The following KIF26B variants were observed in gnomAD, a reference collection of about 807,000 sequenced individuals.
KIF26B encodes the protein kinesin-like protein KIF26B.
Under a neutral mutation model 151.2 loss-of-function variants are expected in KIF26B, and 63 were observed. The observed-to-expected ratio is 0.42, with a 90% CI of 0.34 to 0.51. The LOEUF is 0.51. Ranked by LOEUF, KIF26B falls within the 20% of genes least tolerant of loss-of-function variation. KIF26B has a pLI of 0.07. For missense variants in KIF26B, 2,813 were observed against 2,913.6 expected (o/e 0.97, Z 0.79); for synonymous variants, 1,357 against 1,262.1 (o/e 1.08, Z -1.59).
intron 2 of KIF26B, among the ~76,000 whole-genome samples, chr1:245,208,927 G>A (rs923477023): frequency 6.6e-6 from 1 of 152,148 alleles, no homozygotes; most frequent in Non-Finnish European, 1.5e-5. Context: ...TGTGGCCATC[G>A]GCTCTGTGTT....
At chr1:245,416,561 A>G (rs1005165894) in intron 3 of KIF26B, among the ~76,000 whole-genome samples, 1 of 152,126 alleles carries the variant, frequency 6.6e-6, no homozygotes, top group Non-Finnish European at 1.5e-5. Flanking sequence ...AATGCATGAT[A>G]TGAACCGAAG....
At position 245,227,718 on chromosome 1, in the gene KIF26B, A is replaced by C. The variant is rs1669903374; in HGVS notation, c.465+71035A>C. On this transcript the variant is annotated intron_variant, in intron 2 of 14. Coordinates refer to ENST00000407071, the MANE Select transcript of KIF26B (RefSeq NM_018012.4). This position sits in a 1 kb window ranked among gnomAD's most constrained non-coding sequence, Gnocchi z 4.1. Reference sequence around the variant, plus strand: ...TGGTAGTCATTAAAAAAACACTCTGAGGCTGGGTGTGGTGGCTCACGCCTG... The same window carrying C: ...TGGTAGTCATTAAAAAAACACTCTGCGGCTGGGTGTGGTGGCTCACGCCTG... Among the ~76,000 whole-genome samples the C allele has an allele frequency of 6.6e-6, 1 of 152,072 alleles. No homozygotes were observed.
intron 2 of KIF26B, among the ~76,000 whole-genome samples, chr1:245,178,122 C>T (rs1668841954): frequency 6.6e-6 from 1 of 152,176 alleles, no homozygotes; most frequent in African/African-American, 2.4e-5. Flanking sequence ...ACTGTCACTG[C>T]TTTGTTACAG....
intron 4 of KIF26B, among the ~76,000 whole-genome samples, chr1:245,515,330 G>A (rs759257245): frequency 5.9e-4 from 89 of 152,074 alleles, no homozygotes; most frequent in Non-Finnish European, 7.5e-4. Flanking sequence ...ATCTCTCCAC[G>A]CTTACCGTGC....
intron 2 of KIF26B, among the ~76,000 whole-genome samples, chr1:245,322,171 A>G (rs1671898696): frequency 1.3e-5 from 2 of 152,236 alleles, no homozygotes; most frequent in East Asian, 1.9e-4. Flanking sequence ...GAGTTGAACA[A>G]TGAGAACACA....
Position 245,621,977 on chromosome 1 carries a change from A to G in KIF26B, c.2098+10001A>G, listed in dbSNP as rs538062112. 4.3e-4 allele frequency among the ~76,000 whole-genome samples: 66 copies of G among 152,348 alleles called. 1 individual carries two copies. The highest frequency in any genetic ancestry group is 1.5e-3 in the African/African-American group (64 of 41,584). On this transcript the variant is annotated intron_variant, in intron 9 of 14. Coordinates refer to ENST00000407071, the MANE Select transcript of KIF26B (RefSeq NM_018012.4). ...TCTTGTGTTCTGTTTTACTACATGT[A>G]CATTATCCATTTTATTCCATTACAT...
In KIF26B at chr1:245,516,660, G is replaced by T. The variant is rs919982652; in HGVS notation, c.1167-24107G>T. On this transcript the variant is annotated intron_variant, in intron 4 of 14. Transcript: ENST00000407071. The surrounding 1 kb of genome is among the most constrained non-coding windows in gnomAD (Gnocchi z 4.2). ...AGATGTGGGGTGAAGTAATGAGCCC[G>T]CAAGGCCTGTCTGTGCCTATTGGCT... Among the ~76,000 whole-genome samples the T allele has an allele frequency of 6.6e-6, 1 of 152,162 alleles. No individual in the cohort carries two copies. The highest frequency in any genetic ancestry group is 1.5e-5 in the Non-Finnish European group (1 of 68,044).
intron 5 of KIF26B, among the ~76,000 whole-genome samples, chr1:245,565,134 A>G (rs1375148181): frequency 6.6e-6 from 1 of 152,122 alleles, no homozygotes; most frequent in Non-Finnish European, 1.5e-5. Flanking sequence ...CCCTCTCTAT[A>G]AAAAATTTTT....
At chr1:245,427,806 T>C (rs1284529442) in intron 4 of KIF26B, among the ~76,000 whole-genome samples, 1 of 152,156 alleles carries the variant, frequency 6.6e-6, no homozygotes, top group South Asian at 2.1e-4. Context: ...ATCCCCTCGT[T>C]CTCACATTCC....
chr1:245,472,837 CT>C (rs1310687413), intron 4 of KIF26B, among the ~76,000 whole-genome samples: 4 of 152,212 alleles, frequency 2.6e-5, no homozygotes, highest in Non-Finnish European at 4.4e-5. Context: ...CTACAATGTG[CT>C]ACTGAAATGA....
At chr1:245,456,022 AG>A (rs1339977141) in intron 4 of KIF26B, among the ~76,000 whole-genome samples, 1 of 152,206 alleles carries the variant, frequency 6.6e-6, no homozygotes, top group Non-Finnish European at 1.5e-5. Context: ...TAAAGAAAAA[AG>A]ACACCCATGA....
intron 5 of KIF26B, among the ~76,000 whole-genome samples, chr1:245,598,953 G>A (rs1216698425): frequency 6.6e-6 from 1 of 152,116 alleles, no homozygotes; most frequent in Non-Finnish European, 1.5e-5. Flanking sequence ...TTCCCTGCAG[G>A]TCTACCCTTG....
At chr1:245,329,113 C>G (rs1672051793) in intron 2 of KIF26B, among the ~76,000 whole-genome samples, 1 of 152,192 alleles carries the variant, frequency 6.6e-6, no homozygotes, top group African/African-American at 2.4e-5. Context: ...GTTTGGAAAG[C>G]TTTAGCCATT....
At chr1:245,291,832 G>A (rs924427653) in intron 2 of KIF26B, among the ~76,000 whole-genome samples, 1 of 152,142 alleles carries the variant, frequency 6.6e-6, no homozygotes, top group Non-Finnish European at 1.5e-5. Context: ...GAGACGGTAC[G>A]GTGGAGCACT....
intron 2 of KIF26B, among the ~76,000 whole-genome samples, chr1:245,169,509 G>C (rs1668673957): frequency 6.6e-6 from 1 of 152,138 alleles, no homozygotes; most frequent in African/African-American, 2.4e-5. Flanking sequence ...AATTACAAGA[G>C]CATTCAGCAG....
chr1:245,317,384 G>A (rs1671800349), intron 2 of KIF26B, among the ~76,000 whole-genome samples: 2 of 152,196 alleles, frequency 1.3e-5, no homozygotes, highest in African/African-American at 4.8e-5. Flanking sequence ...CCCCAGGGTT[G>A]ATTGATCTGT....
intron 5 of KIF26B, among the ~76,000 whole-genome samples, chr1:245,590,970 CTG>C (rs368788733): frequency 1.3e-5 from 2 of 151,224 alleles, no homozygotes; most frequent in East Asian, 3.9e-4. Flanking sequence ...TGTCTCAGCT[CTG>C]TGAGTGTAGG....
At chr1:245,611,128 G>A (rs2043515931) in intron 8 of KIF26B, among the ~76,000 whole-genome samples, 1 of 152,178 alleles carries the variant, frequency 6.6e-6, no homozygotes, top group Non-Finnish European at 1.5e-5. Context: ...AGTATGCCGG[G>A]AGCATGGATT....
In KIF26B at chr1:245,352,829, A is replaced by G. The variant is rs1387363404; in HGVS notation, c.466-14005A>G. 6.7e-6 allele frequency among the ~76,000 whole-genome samples: 1 copy of G among 150,336 alleles called. No homozygotes were observed. The highest frequency in any genetic ancestry group is 1.5e-5 in the Non-Finnish European group (1 of 67,792). On this transcript the variant is annotated intron_variant, in intron 2 of 14. Coordinates refer to ENST00000407071, the MANE Select transcript of KIF26B (RefSeq NM_018012.4). This position sits in a 1 kb window ranked among gnomAD's most constrained non-coding sequence, Gnocchi z 5.0. ...ATCTTAGTGGTTTCTTCCTAAAGAGATGTACACGTGTGTGTGTGTGTGTGT... is the reference window on the plus strand; with the variant it reads ...ATCTTAGTGGTTTCTTCCTAAAGAGGTGTACACGTGTGTGTGTGTGTGTGT...
Sources: gnomAD v4.1 joint callset for allele counts (sites outside exome capture counted in the v4.1 genomes callset) on GRCh38, gnomAD v4.1.1 for gene constraint, Gnocchi (gnomAD v3.1) non-coding constraint, MANE v1.5 for transcripts, NCBI Gene and HGNC (gene_info 2026-07-23, HGNC 2026-07-21) for gene names.